The following MLIP variants were observed in gnomAD, a reference collection of about 807,000 sequenced individuals.
The protein encoded by MLIP is muscular LMNA-interacting protein.
MLIP carries 79 observed loss-of-function variants against 84.8 expected under a neutral mutation model. That is an observed-to-expected ratio of 0.93 (90% CI 0.78 to 1.12). The LOEUF (loss-of-function observed/expected upper bound fraction) is 1.12, where lower values mean the gene tolerates loss of function less well. MLIP is among the 50% of genes most tolerant of loss of function. The pLI is 0.00. For synonymous variants in MLIP, 504 were observed against 463.0 expected (o/e 1.09, Z -1.14); for missense variants, 1,257 against 1,160.6 (o/e 1.08, Z -1.21).
At chr6:54,034,308 A>C (rs1561880487) in intron 1 of MLIP, among the ~76,000 whole-genome samples, 1 of 152,212 alleles carries the variant, frequency 6.6e-6, no homozygotes, top group African/African-American at 2.4e-5. Context: ...CAACAATGTC[A>C]TTAGCAAATA....
rs569260452 is a variant in MLIP at position 54,259,560 on chromosome 6, T to C, written c.2976+2199T>C. On this transcript the variant is annotated intron_variant, in intron 13 of 13. Transcript: ENST00000502396. Reference sequence around the variant, plus strand: ...TGAGCCAAAGAGAATGGTATAGATGTAGTACTTGCATTTTTTCACACCAAT... The same window carrying C: ...TGAGCCAAAGAGAATGGTATAGATGCAGTACTTGCATTTTTTCACACCAAT... Among the ~76,000 whole-genome samples the C allele has an allele frequency of 1.2e-4, 19 of 152,004 alleles. No individual in the cohort carries two copies. In the South Asian group the frequency reaches 3.1e-3, roughly 25 times the overall value.
At chr6:54,217,754 G>A in intron 11 of MLIP, 11 of 985,248 alleles carry the variant, frequency 1.1e-5, no homozygotes, top group Non-Finnish European at 1.2e-5. Flanking sequence ...AAATAACTAT[G>A]TTACCTATCT....
intron 1 of MLIP, chr6:54,046,145 A>C (rs1582024024): frequency 6.6e-6 from 1 of 152,280 alleles, no homozygotes; most frequent in African/African-American, 2.4e-5. Flanking sequence ...CAGTGTCTTC[A>C]GAAACATGTA....
chr6:54,085,631 G>C (rs1767437952), intron 1 of MLIP, among the ~76,000 whole-genome samples: 1 of 152,182 alleles, frequency 6.6e-6, no homozygotes, highest in Non-Finnish European at 1.5e-5. Flanking sequence ...AAGCCCAGCA[G>C]AGTGAGCCTG....
chr6:54,133,854 T>C (rs1771588565), intron 3 of MLIP, among the ~76,000 whole-genome samples: 1 of 152,254 alleles, frequency 6.6e-6, no homozygotes, highest in African/African-American at 2.4e-5. Flanking sequence ...AAGAGAGTTT[T>C]GAAAATGACT....
intron 1 of MLIP, among the ~76,000 whole-genome samples, chr6:54,056,553 T>C (rs746375861): frequency 4.6e-5 from 7 of 152,222 alleles, no homozygotes; most frequent in Non-Finnish European, 1.0e-4. Flanking sequence ...AGACCTCTTC[T>C]ACTTCTGAGA....
At chr6:54,150,384 T>C (rs933112015) in intron 5 of MLIP, among the ~76,000 whole-genome samples, 1 of 152,194 alleles carries the variant, frequency 6.6e-6, no homozygotes. Context: ...TTCTGGAGGT[T>C]GTGGAAAGGG....
At chr6:54,247,296 T>C (rs1296742585) in intron 12 of MLIP, among the ~76,000 whole-genome samples, 1 of 152,172 alleles carries the variant, frequency 6.6e-6, no homozygotes, top group African/African-American at 2.4e-5. Context: ...TAGCGATCAG[T>C]AAATACCTCA....
chr6:54,189,030 C>T (rs1427126182), intron 9 of MLIP, among the ~76,000 whole-genome samples: 1 of 152,132 alleles, frequency 6.6e-6, no homozygotes, highest in East Asian at 1.9e-4. Context: ...ATGATAAAAA[C>T]ATTTTCAGAC....
intron 3 of MLIP, among the ~76,000 whole-genome samples, chr6:54,135,561 A>G (rs1399770641): frequency 1.3e-5 from 2 of 152,108 alleles, no homozygotes; most frequent in African/African-American, 4.8e-5. Context: ...CTTTATTTGT[A>G]AAGTTTTGCT....
intron 1 of MLIP, among the ~76,000 whole-genome samples, chr6:54,023,246 T>C (rs1399059188): frequency 1.3e-5 from 2 of 151,552 alleles, no homozygotes; most frequent in East Asian, 3.9e-4. Context: ...TGAGACTTGG[T>C]ACAATCAAAT....
intron 1 of MLIP, among the ~76,000 whole-genome samples, chr6:54,026,183 C>G (rs1210367569): frequency 6.6e-6 from 1 of 152,072 alleles, no homozygotes; most frequent in Non-Finnish European, 1.5e-5. Flanking sequence ...TAAGACATTT[C>G]CGAGATGTCA....
intron 1 of MLIP, among the ~76,000 whole-genome samples, chr6:54,054,252 G>C (rs962917670): frequency 5.3e-5 from 8 of 152,116 alleles, no homozygotes; most frequent in Non-Finnish European, 8.8e-5. Context: ...CCGGCAAGCA[G>C]CTTAGAGTCA....
chr6:54,262,778 G>C (rs1783469572), intron 13 of MLIP, among the ~76,000 whole-genome samples: 1 of 152,028 alleles, frequency 6.6e-6, no homozygotes, highest in Non-Finnish European at 1.5e-5. Flanking sequence ...GTTTTCTAAA[G>C]TAAATGCTTT....
At chr6:54,035,838 A>G (rs1411271460) in intron 1 of MLIP, among the ~76,000 whole-genome samples, 4 of 151,906 alleles carry the variant, frequency 2.6e-5, no homozygotes, top group African/African-American at 7.2e-5. Flanking sequence ...TTAAGTTTTA[A>G]AAGTTTTTTA....
chr6:54,061,003 T>G (rs547238429), intron 1 of MLIP, among the ~76,000 whole-genome samples: 14 of 151,398 alleles, frequency 9.2e-5, no homozygotes, highest in Admixed American at 9.2e-4. Context: ...TTTTTTTTGC[T>G]AAATAACTTT....
intron 1 of MLIP, among the ~76,000 whole-genome samples, chr6:54,024,274 A>T (rs1006205275): frequency 1.3e-5 from 2 of 152,206 alleles, no homozygotes; most frequent in African/African-American, 2.4e-5. Context: ...AGCCTCCCAA[A>T]GTGTTGGGAT....
At chr6:54,131,934 T>G (rs183967202) in intron 3 of MLIP, among the ~76,000 whole-genome samples, 52 of 152,322 alleles carry the variant, frequency 3.4e-4, no homozygotes, top group Middle Eastern at 3.4e-3. Flanking sequence ...GCTGTTGGGT[T>G]AGCTGGTGGC....
chr6:54,143,279 G>T (rs527373723), intron 4 of MLIP, among the ~76,000 whole-genome samples: 1 of 150,156 alleles, frequency 6.7e-6, no homozygotes, highest in East Asian at 2.0e-4. Context: ...GTGCAATGGC[G>T]CAATCTCGGC....
Sources: gnomAD v4.1 joint callset for allele counts (sites outside exome capture counted in the v4.1 genomes callset) on GRCh38, gnomAD v4.1.1 for gene constraint, MANE v1.5 for transcripts, NCBI Gene and HGNC (gene_info 2026-07-23, HGNC 2026-07-21) for gene names.